HDAC1: variants seen among roughly 807,000 people sequenced by gnomAD.
HDAC1 encodes protein deacetylase HDAC1.
In HDAC1, 18 loss-of-function variants were observed where a neutral mutation model predicts 65.5. The ratio of observed to expected loss-of-function variants is 0.27; its 90% CI spans 0.19 to 0.41. HDAC1 has a LOEUF of 0.41. Among genes scored for constraint, HDAC1 ranks in the 10% least tolerant of loss-of-function variants. The probability of loss-of-function intolerance (pLI) is 1.00; values close to 1 mark genes in which losing one functional copy is unlikely to be tolerated. For synonymous variants in HDAC1, 211 were observed against 227.9 expected, an observed-to-expected ratio of 0.93 and a Z score of 0.67; for missense variants, 373 against 625.2, an observed-to-expected ratio of 0.60 and a Z score of 4.30.
At chr1:32,296,753 T>C (rs1640771721) in intron 1 of HDAC1, among the ~76,000 whole-genome samples, 1 of 152,120 alleles carries the variant, frequency 6.6e-6, no homozygotes, top group Non-Finnish European at 1.5e-5. Flanking sequence ...GGAGATGTAG[T>C]GGCTAAAAGT....
intron 1 of HDAC1, among the ~76,000 whole-genome samples, chr1:32,299,078 A>G (rs1304593317): frequency 2.0e-5 from 3 of 152,208 alleles, no homozygotes; most frequent in African/African-American, 7.2e-5. Context: ...CCTGATTAAG[A>G]TATAGAGATA....
intron 1 of HDAC1, among the ~76,000 whole-genome samples, chr1:32,296,864 C>T (rs1019381432): frequency 6.6e-6 from 1 of 152,078 alleles, no homozygotes; most frequent in Non-Finnish European, 1.5e-5. Context: ...CTGAGGAGAC[C>T]AGGGGAGATG....
In HDAC1 at chr1:32,327,695, G is replaced by A; in HGVS notation, c.636+18G>A. ...ACCTACGGGTGAGAACGCCCTTTAGGAGCCAACCGGCTTACCCTCAGCTGG... is the reference window on the plus strand; with the variant it reads ...ACCTACGGGTGAGAACGCCCTTTAGAAGCCAACCGGCTTACCCTCAGCTGG... On this transcript the variant is annotated intron_variant, in intron 6 of 13. Transcript: ENST00000373548. This position sits in a 1 kb window ranked among gnomAD's most constrained non-coding sequence, Gnocchi z 6.0. 1 of 1,613,342 alleles carries A rather than the reference G, an allele frequency of 6.2e-7. No individual in the cohort carries two copies. Among genetic ancestry groups the A allele is most frequent in the Non-Finnish European group, 8.5e-7 (1 of 1,179,370 alleles).
chr1:32,327,018 C>G lies in HDAC1; in HGVS notation c.435C>G (p.Ser145=). 6.2e-7 allele frequency: 1 copy of G among 1,614,026 alleles called. No homozygotes were observed. The highest frequency in any genetic ancestry group is 8.5e-7 in the Non-Finnish European group (1 of 1,179,926). Residue 145 remains serine, a synonymous_variant, in exon 5 of 14, where the codon TCC becomes TCG. Coordinates refer to ENST00000373548, the MANE Select transcript of HDAC1 (RefSeq NM_004964.3). This position sits in a 1 kb window ranked among gnomAD's most constrained non-coding sequence, Gnocchi z 6.0. ...GGGGCCTGCACCATGCAAAGAAGTC[C>G]GAGGCATCTGGCTTCTGTTACGTCA... ...WAGGLHHAKK[S]EASGFCYVND... is the part of the protein sequence containing the mutation.
At chr1:32,328,413 G>A (rs984181588) in intron 6 of HDAC1, among the ~76,000 whole-genome samples, 2 of 152,050 alleles carry the variant, frequency 1.3e-5, no homozygotes, top group Admixed American at 6.6e-5. Context: ...CCGCCTCCAG[G>A]CGATCTTGTG....
chr1:32,318,034 A>T (rs1570025053), intron 3 of HDAC1, among the ~76,000 whole-genome samples: 1 of 152,024 alleles, frequency 6.6e-6, no homozygotes, highest in Admixed American at 6.6e-5. Flanking sequence ...ATCTCTACTC[A>T]CCACAACCTC....
intron 1 of HDAC1, among the ~76,000 whole-genome samples, chr1:32,299,106 C>G (rs1261902028): frequency 6.6e-6 from 1 of 152,070 alleles, no homozygotes; most frequent in Non-Finnish European, 1.5e-5. Flanking sequence ...ATTTTAATTA[C>G]AGTAAATTTA....
At position 32,331,429 on chromosome 1, in the gene HDAC1, G is replaced by C; in HGVS notation, c.980-45G>C. On this transcript the variant is annotated intron_variant, in intron 9 of 13. Coordinates refer to ENST00000373548, the MANE Select transcript of HDAC1 (RefSeq NM_004964.3). This position sits in a 1 kb window ranked among gnomAD's most constrained non-coding sequence, Gnocchi z 4.2. ...GTGCTTACGTGCAAATGGTTAGGGT[G>C]CGGTGGCCAGGTCTCTTGACGGTCT... The C allele has an allele frequency of 9.2e-7, 1 of 1,087,552 alleles. No homozygotes were observed. Among genetic ancestry groups the C allele is most frequent in the Non-Finnish European group, 1.4e-6 (1 of 700,496 alleles). 67.4% of individuals were successfully genotyped at this position (1,087,552 alleles called of 1,614,324 possible).
chr1:32,296,907 C>T (rs1640774638), intron 1 of HDAC1, among the ~76,000 whole-genome samples: 1 of 152,128 alleles, frequency 6.6e-6, no homozygotes, highest in Non-Finnish European at 1.5e-5. Context: ...CACTAACCTT[C>T]AACAAATTCC....
At chr1:32,313,317 A>G (rs1641016257) in intron 2 of HDAC1, among the ~76,000 whole-genome samples, 1 of 150,320 alleles carries the variant, frequency 6.7e-6, no homozygotes, top group African/African-American at 2.5e-5. Flanking sequence ...GTGGTCTTGA[A>G]CTCCTGGCCT....
At chr1:32,299,405 A>G (rs1212900847) in intron 1 of HDAC1, among the ~76,000 whole-genome samples, 1 of 152,126 alleles carries the variant, frequency 6.6e-6, no homozygotes, top group Non-Finnish European at 1.5e-5. Context: ...TCTACAAACA[A>G]ACAAACAAAA....
chr1:32,307,750 C>A (rs1172995225), intron 2 of HDAC1, among the ~76,000 whole-genome samples: 1 of 152,074 alleles, frequency 6.6e-6, no homozygotes, highest in Admixed American at 6.6e-5. Flanking sequence ...AACTTTGAGT[C>A]CTGGGATGAA....
At chr1:32,316,579 G>A in intron 2 of HDAC1, 86 bp from the exon 3 acceptor site, 4 of 777,854 alleles carry the variant, frequency 5.1e-6, no homozygotes, top group Admixed American at 1.9e-5. Flanking sequence ...GCTCCATGCT[G>A]CGCAGGAAAT....
intron 3 of HDAC1, among the ~76,000 whole-genome samples, chr1:32,318,327 T>C (rs1033534945): frequency 1.3e-5 from 2 of 151,920 alleles, no homozygotes; most frequent in African/African-American, 4.8e-5. Context: ...GAGCCCAAGG[T>C]GGGAGGATTG....
At chr1:32,292,314 C>T in intron 1 of HDAC1, 96 bp downstream of exon 1, 2 of 1,533,794 alleles carry the variant, frequency 1.3e-6, no homozygotes, top group South Asian at 1.2e-5. Flanking sequence ...CTGCGGGAGG[C>T]TGAGGCGCTG....
chr1:32,332,920 C>A (rs539818199), intron 13 of HDAC1, 97 bp from the exon 14 acceptor site: 7 of 1,336,076 alleles, frequency 5.2e-6, no homozygotes, highest in Non-Finnish European at 6.4e-6. Flanking sequence ...CCCCAGCCCC[C>A]AGTAGTCACC....
At chr1:32,321,341 C>A (rs951253674) in intron 3 of HDAC1, among the ~76,000 whole-genome samples, 6 of 152,086 alleles carry the variant, frequency 3.9e-5, no homozygotes, top group Non-Finnish European at 5.9e-5. Context: ...GGCATCTTTC[C>A]TTGATCACAT....
chr1:32,294,898 C>G (rs1239535400), intron 1 of HDAC1, among the ~76,000 whole-genome samples: 1 of 151,224 alleles, frequency 6.6e-6, no homozygotes, highest in Non-Finnish European at 1.5e-5. Context: ...TGTGCCTGGC[C>G]TCAAGCAATC....
At chr1:32,302,512 G>T in intron 1 of HDAC1, 109 bp from the exon 2 acceptor site, 4 of 521,844 alleles carry the variant, frequency 7.7e-6, no homozygotes, top group Non-Finnish European at 1.1e-5. Context: ...TTGGAAACTA[G>T]AAATGAGCCA....
Sources: gnomAD v4.1 joint callset for allele counts (sites outside exome capture counted in the v4.1 genomes callset) on GRCh38, gnomAD v4.1.1 for gene constraint, Gnocchi (gnomAD v3.1) non-coding constraint, MANE v1.5 for transcripts, NCBI Gene and HGNC (gene_info 2026-07-23, HGNC 2026-07-21) for gene names.